Variants in NLGN4X observed in about 807,000 individuals in gnomAD.
NLGN4X encodes the protein neuroligin-4, X-linked.
In NLGN4X, 3 loss-of-function variants were observed where a neutral mutation model predicts 40.3. That is an observed-to-expected ratio of 0.07 (90% CI 0.03 to 0.19). The LOEUF is 0.19. Ranked by LOEUF, NLGN4X falls within the 10% of genes least tolerant of loss-of-function variation. NLGN4X has a pLI of 1.00. For synonymous variants in NLGN4X, 270 were observed against 306.8 expected, an observed-to-expected ratio of 0.88 and a Z score of 1.25; for missense variants, 382 against 708.3, an observed-to-expected ratio of 0.54 and a Z score of 5.23.
chrX:5,968,465 G>C (rs200106083), intron 3 of NLGN4X, among the ~76,000 whole-genome samples: 660 of 15,749 alleles, frequency 0.042, 24 homozygotes, highest in African/African-American at 0.11. Context: ...CTCTGTGTGT[G>C]TGTGTGTGTG....
chrX:6,193,742 A>T (rs996105873), intron 1 of NLGN4X, among the ~76,000 whole-genome samples: 7 of 111,927 alleles, frequency 6.3e-5, no homozygotes, highest in Non-Finnish European at 1.1e-4. Flanking sequence ...GTTTGAGAAT[A>T]CAAAATCAAT....
chrX:5,943,052 C>A (rs964250867), intron 3 of NLGN4X, among the ~76,000 whole-genome samples: 6 of 111,378 alleles, frequency 5.4e-5, no homozygotes, highest in Admixed American at 3.8e-4. Flanking sequence ...GTCCATGATA[C>A]TGAGAAGCAG....
chrX:5,994,506 CA>C (rs1370977925), intron 3 of NLGN4X, among the ~76,000 whole-genome samples: 1 of 111,806 alleles, frequency 8.9e-6, no homozygotes, highest in Non-Finnish European at 1.9e-5. Flanking sequence ...TCCCTCAAAC[CA>C]GGGGCAAAAT....
At chrX:5,949,807 G>A (rs1053276928) in intron 3 of NLGN4X, among the ~76,000 whole-genome samples, 1 of 111,495 alleles carries the variant, frequency 9.0e-6, no homozygotes, top group Non-Finnish European at 1.9e-5. Flanking sequence ...AGGTTTGATG[G>A]ATTGGTGCAT....
chrX:5,951,799 C>T (rs2034321028), intron 3 of NLGN4X, among the ~76,000 whole-genome samples: 1 of 111,381 alleles, frequency 9.0e-6, no homozygotes, highest in Non-Finnish European at 1.9e-5. Flanking sequence ...GCCCCACTTC[C>T]AAATACCTAC....
At chrX:6,060,200 T>C (rs1390214507) in intron 2 of NLGN4X, among the ~76,000 whole-genome samples, 3 of 112,217 alleles carry the variant, frequency 2.7e-5, no homozygotes, top group Non-Finnish European at 5.6e-5. Context: ...CCTGAGATCA[T>C]AGACATACAA....
intron 1 of NLGN4X, among the ~76,000 whole-genome samples, chrX:6,198,488 G>A (rs1027202167): frequency 8.9e-6 from 1 of 111,918 alleles, no homozygotes; most frequent in Non-Finnish European, 1.9e-5. Flanking sequence ...TTTGCTGAAC[G>A]TGGACCATGA....
rs778682537 is a variant in NLGN4X, at chrX:6,102,694, G to A, written c.472+48301C>T. Among the ~76,000 whole-genome samples the A allele has an allele frequency of 5.9e-5, 6 of 101,203 alleles. No individual in the cohort carries two copies. The South Asian group carries it at 2.1e-3, about 36-fold the overall frequency. 87.9% of individuals were successfully genotyped at this position (101,203 alleles called of 115,157 possible). ...TACATAGACAGATAGATACATAGAT[G>A]CATAGAGATGATAGATACATATAGA... On this transcript the variant is annotated intron_variant, in intron 2 of 5. Coordinates refer to ENST00000381095, the MANE Select transcript of NLGN4X (RefSeq NM_181332.3).
chrX:6,031,585 T>G (rs979038577), intron 2 of NLGN4X, among the ~76,000 whole-genome samples: 2 of 111,654 alleles, frequency 1.8e-5, no homozygotes, highest in African/African-American at 6.5e-5. Flanking sequence ...GACGTTGGGC[T>G]TGACCAGCAA....
intron 2 of NLGN4X, among the ~76,000 whole-genome samples, chrX:6,076,240 T>A (rs779504569): frequency 8.0e-5 from 9 of 112,420 alleles, no homozygotes; most frequent in Non-Finnish European, 1.1e-4. Flanking sequence ...TTACACTTTA[T>A]TAAATACTGC....
At chrX:6,156,701 T>C (rs868679502) in intron 1 of NLGN4X, among the ~76,000 whole-genome samples, 5 of 110,162 alleles carry the variant, frequency 4.5e-5, no homozygotes, top group South Asian at 3.9e-4. Context: ...AACTTGGGAC[T>C]ACTACAGCAG....
chrX:6,169,402 A>G (rs2040560476), intron 1 of NLGN4X, among the ~76,000 whole-genome samples: 1 of 113,375 alleles, frequency 8.8e-6, no homozygotes, highest in African/African-American at 3.2e-5. Context: ...TGCAAAAGAT[A>G]GAGAAAGCAT....
intron 1 of NLGN4X, among the ~76,000 whole-genome samples, chrX:6,186,500 C>T (rs1922025262): frequency 8.9e-6 from 1 of 111,833 alleles, no homozygotes; most frequent in Non-Finnish European, 1.9e-5. Flanking sequence ...TATGCTTGCC[C>T]TTTTTTCCCA....
chrX:5,908,692 T>G (rs12835288), intron 4 of NLGN4X, among the ~76,000 whole-genome samples: 42 of 111,799 alleles, frequency 3.8e-4, no homozygotes, highest in Non-Finnish European at 7.7e-4. Flanking sequence ...GAGGATCGCT[T>G]GAGTCCTGGA....
intron 3 of NLGN4X, among the ~76,000 whole-genome samples, chrX:5,981,658 C>G (rs2035392750): frequency 9.0e-6 from 1 of 110,573 alleles, no homozygotes; most frequent in Admixed American, 9.8e-5. Context: ...TTAATTTTGT[C>G]TTAAAATCTA....
chrX:5,925,899 T>TAA (rs1555921219), intron 3 of NLGN4X, among the ~76,000 whole-genome samples: 1 of 31,306 alleles, frequency 3.2e-5, no homozygotes, highest in South Asian at 1.6e-3. Flanking sequence ...TATATATATA[T>TAA]ATATATATAT....
At chrX:6,143,969 T>A (rs189844214) in intron 2 of NLGN4X, among the ~76,000 whole-genome samples, 1 of 111,731 alleles carries the variant, frequency 9.0e-6, no homozygotes, top group East Asian at 2.8e-4. Context: ...TGAACCTCAA[T>A]ATAGTAGTCT....
intron 3 of NLGN4X, among the ~76,000 whole-genome samples, chrX:6,015,207 T>C (rs1020619497): frequency 8.9e-6 from 1 of 112,034 alleles, no homozygotes; most frequent in African/African-American, 3.2e-5. Context: ...CTCTGTTTTG[T>C]TTGCTACTCC....
chrX:6,215,719 C>T (rs907214401), intron 1 of NLGN4X, among the ~76,000 whole-genome samples: 1 of 110,965 alleles, frequency 9.0e-6, no homozygotes, highest in Non-Finnish European at 1.9e-5. Flanking sequence ...ACTTCAAATT[C>T]AATGCAGGCA....
Sources: gnomAD v4.1 joint callset for allele counts (sites outside exome capture counted in the v4.1 genomes callset) on GRCh38, gnomAD v4.1.1 for gene constraint, MANE v1.5 for transcripts, NCBI Gene and HGNC (gene_info 2026-07-23, HGNC 2026-07-21) for gene names.